Variants in VMP1 observed in about 807,000 individuals in gnomAD.
VMP1 encodes ectopic P-granules autophagy protein 3 homolog.
VMP1 carries 11 observed loss-of-function variants against 56.0 expected under a neutral mutation model. The observed-to-expected ratio is 0.20, with a 90% CI of 0.12 to 0.32. The LOEUF is 0.32. VMP1 is among the 10% of genes least tolerant of loss of function. VMP1 has a pLI of 1.00. For missense variants in VMP1, 296 were observed against 490.3 expected, an observed-to-expected ratio of 0.60 and a Z score of 3.74; for synonymous variants, 149 against 165.0, an observed-to-expected ratio of 0.90 and a Z score of 0.74.
At chr17:59,833,408 G>T (rs2038879648) in intron 10 of VMP1, among the ~76,000 whole-genome samples, 1 of 152,096 alleles carries the variant, frequency 6.6e-6, no homozygotes, top group Non-Finnish European at 1.5e-5. Context: ...TTTGATGACA[G>T]TTTGGGAAAC....
At chr17:59,758,397 A>C (rs1186743610) in intron 5 of VMP1, among the ~76,000 whole-genome samples, 1 of 152,212 alleles carries the variant, frequency 6.6e-6, no homozygotes, top group Admixed American at 6.5e-5. Context: ...GACGTTTTCA[A>C]CTATGTATGT....
Position 59,738,959 on chromosome 17 carries a change from T to A in VMP1, c.414+12T>A. On this transcript the variant is annotated intron_variant, in intron 5 of 11. Coordinates refer to ENST00000262291, the MANE Select transcript of VMP1 (RefSeq NM_030938.5). ...TTCTGCTTTATCTGGTAAGAATAAT[T>A]TTATTTTAATAAGCAAAAATGATAT... 1 of 1,550,146 alleles carries A rather than the reference T, an allele frequency of 6.5e-7. No individual in the cohort carries two copies. The highest frequency in any genetic ancestry group is 2.1e-5 in the Admixed American group (1 of 46,804).
intron 7 of VMP1, among the ~76,000 whole-genome samples, chr17:59,774,941 A>AAT (rs1353210364): frequency 7.3e-6 from 1 of 137,546 alleles, no homozygotes; most frequent in Non-Finnish European, 1.6e-5. Flanking sequence ...TACAAAAAAA[A>AAT]TTTTTTTTTT....
At chr17:59,710,593 CAA>C (rs974548112) in intron 1 of VMP1, among the ~76,000 whole-genome samples, 29 of 152,216 alleles carry the variant, frequency 1.9e-4, no homozygotes, top group African/African-American at 6.5e-4. Flanking sequence ...TGTAGCATAA[CAA>C]AAACTGTGCT....
intron 10 of VMP1, among the ~76,000 whole-genome samples, chr17:59,823,798 A>G (rs1598446241): frequency 6.6e-6 from 1 of 152,208 alleles, no homozygotes; most frequent in East Asian, 1.9e-4. Flanking sequence ...AAACTAAATT[A>G]GTAAACTTCA....
rs1351145318 is a variant in VMP1 at position 59,773,809 on chromosome 17, G to A, written c.638G>A (p.Arg213His). Residue 213 changes from arginine to histidine, a missense_variant, in exon 7 of 12, where the codon CGC (arginine) becomes CAC (histidine). By Grantham distance (29) the Arg-to-His change is conservative (BLOSUM62 0). Transcript: ENST00000262291. Reference sequence around the variant, plus strand: ...CCATATTTCATGGCCAGAGCAGCTCGCCTCTCAGGTGCTGAACCAGATGAT... The same window carrying A: ...CCATATTTCATGGCCAGAGCAGCTCACCTCTCAGGTGCTGAACCAGATGAT... ...LPPYFMARAA[R>H]LSGAEPDDEE... 1 of 1,613,638 alleles carries A rather than the reference G, an allele frequency of 6.2e-7. No homozygotes were observed. The highest frequency in any genetic ancestry group is 8.5e-7 in the Non-Finnish European group (1 of 1,179,878).
intron 1 of VMP1, among the ~76,000 whole-genome samples, chr17:59,720,169 A>G (rs1043177129): frequency 2.6e-5 from 4 of 152,200 alleles, no homozygotes; most frequent in Non-Finnish European, 5.9e-5. Flanking sequence ...GAATACTTGG[A>G]TTTACTCCTA....
chr17:59,775,274 G>T (rs1360747647), intron 7 of VMP1, among the ~76,000 whole-genome samples: 1 of 151,202 alleles, frequency 6.6e-6, no homozygotes, highest in Non-Finnish European at 1.5e-5. Flanking sequence ...GCTTAGCTGG[G>T]CCTAGTGGCG....
chr17:59,724,968 AAAAAAAAACAAAAACAAAAAAC>A (rs1442275170), intron 1 of VMP1, among the ~76,000 whole-genome samples: 1 of 141,450 alleles, frequency 7.1e-6, no homozygotes, highest in Non-Finnish European at 1.5e-5. Context: ...TCTGTCTCAA[AAAAAAAAACAAAAACAAAAAAC>A]AAAAAAAACA....
At chr17:59,785,035 A>G (rs2036959825) in intron 7 of VMP1, 1 of 152,214 alleles carries the variant, frequency 6.6e-6, no homozygotes, top group Non-Finnish European at 1.5e-5. Context: ...TAGGAATAAA[A>G]TAATTTGAAA....
rs545501150 is a variant in VMP1, at chr17:59,803,983, T to A, written c.715-4813T>A. 5.9e-5 allele frequency among the ~76,000 whole-genome samples: 9 copies of A among 151,960 alleles called. No homozygotes were observed. In the East Asian group the frequency reaches 1.7e-3, roughly 29 times the overall value. ...GTTTTGGTTTAGCTTTTTGGTGGTG[T>A]TAGGTGTGTGAGTAATAGAGTCAAG... is the stretch of plus-strand genomic sequence containing the variant. On this transcript the variant is annotated intron_variant, in intron 7 of 11. Coordinates refer to ENST00000262291, the MANE Select transcript of VMP1 (RefSeq NM_030938.5).
chr17:59,737,534 G>A lies in VMP1; in HGVS notation c.294G>A (p.Val98=), dbSNP rs1173848702. The A allele has an allele frequency of 6.2e-7, 1 of 1,607,354 alleles. No homozygotes were observed. Among genetic ancestry groups the A allele is most frequent in the South Asian group, 1.1e-5 (1 of 89,374 alleles). Residue 98 remains valine, a synonymous_variant, in exon 4 of 12, where the codon GTG becomes GTA. Coordinates refer to ENST00000262291, the MANE Select transcript of VMP1 (RefSeq NM_030938.5). The part of the protein sequence containing the change: ...VLIATYYVEG[V]HQQYVQRIEK... Reference sequence around the variant, plus strand: ...TAGCTACGTATTATGTTGAAGGAGTGCATCAACAGGTGAGAGGTCGAGCAA... The same window carrying A: ...TAGCTACGTATTATGTTGAAGGAGTACATCAACAGGTGAGAGGTCGAGCAA...
At chr17:59,775,671 C>T (rs2036595341) in intron 7 of VMP1, among the ~76,000 whole-genome samples, 1 of 152,184 alleles carries the variant, frequency 6.6e-6, no homozygotes, top group Non-Finnish European at 1.5e-5. Flanking sequence ...TTCAGCAGTT[C>T]AGACTTGCCT....
intron 1 of VMP1, chr17:59,729,648 CCTCA>C (rs1433155178): frequency 6.6e-6 from 1 of 151,702 alleles, no homozygotes; most frequent in Non-Finnish European, 1.5e-5. Flanking sequence ...TTCTCCACAT[CCTCA>C]CTAACACTTG....
intron 1 of VMP1, among the ~76,000 whole-genome samples, chr17:59,722,003 C>G (rs1370522805): frequency 6.6e-6 from 1 of 152,226 alleles, no homozygotes; most frequent in Non-Finnish European, 1.5e-5. Flanking sequence ...AGTCTTTCCT[C>G]TGTGTCCAGG....
intron 10 of VMP1, among the ~76,000 whole-genome samples, chr17:59,826,333 G>C (rs2038644790): frequency 6.6e-6 from 1 of 152,186 alleles, no homozygotes; most frequent in South Asian, 2.1e-4. Context: ...AGTTACCGTT[G>C]ACCATTTAAT....
chr17:59,839,661 C>T, intron 11 of VMP1, 107 bp from the exon 12 acceptor site: 1 of 1,382,162 alleles, frequency 7.2e-7, no homozygotes, highest in Non-Finnish European at 9.7e-7. Context: ...ATTTTTAATT[C>T]TTTAGGTTTT....
rs546743645 is a variant in VMP1 at position 59,747,388 on chromosome 17, G to A, written c.414+8441G>A. On this transcript the variant is annotated intron_variant, in intron 5 of 11. Transcript: ENST00000262291. ...GCCTGGGCAACAAAGCAAGACCCCG[G>A]GTTTTTTTCTTTCTTTCTTTCTTTC... Among the ~76,000 whole-genome samples, 146 of 151,134 alleles carry A rather than the reference G, an allele frequency of 9.7e-4. 1 individual carries two copies. The highest frequency in any genetic ancestry group is 6.4e-3 in the Admixed American group (97 of 15,174).
chr17:59,833,722 A>G (rs1366597459), intron 10 of VMP1, among the ~76,000 whole-genome samples: 2 of 152,226 alleles, frequency 1.3e-5, no homozygotes, highest in Non-Finnish European at 2.9e-5. Flanking sequence ...TCTTTTTAAA[A>G]TTATTATGGG....
Sources: gnomAD v4.1 joint callset for allele counts (sites outside exome capture counted in the v4.1 genomes callset) on GRCh38, gnomAD v4.1.1 for gene constraint, MANE v1.5 for transcripts, NCBI Gene and HGNC (gene_info 2026-07-23, HGNC 2026-07-21) for gene names.